Variants in FLRT1 observed in about 807,000 individuals in gnomAD.
The protein encoded by FLRT1 is leucine-rich repeat transmembrane protein FLRT1.
Under a neutral mutation model 30.9 loss-of-function variants are expected in FLRT1, and 14 were observed. The ratio of observed to expected loss-of-function variants is 0.45; its 90% confidence interval spans 0.30 to 0.71. The LOEUF is 0.71. Ranked by LOEUF, FLRT1 falls within the 30% of genes least tolerant of loss-of-function variation. The probability of loss-of-function intolerance (pLI) is 0.08; values close to 1 mark genes in which losing one functional copy is unlikely to be tolerated. For missense variants in FLRT1, 737 were observed against 949.2 expected (o/e 0.78, Z 2.94); for synonymous variants, 368 against 430.4 (o/e 0.85, Z 1.80).
intron 1 of FLRT1, among the ~76,000 whole-genome samples, chr11:64,093,691 T>C (rs1309742404): frequency 6.6e-6 from 1 of 152,158 alleles, no homozygotes; most frequent in Non-Finnish European, 1.5e-5. Context: ...CACCCCCTCT[T>C]GGTCATGGCC....
intron 1 of FLRT1, among the ~76,000 whole-genome samples, chr11:64,068,454 GGGCA>G (rs1353407852): frequency 1.3e-5 from 2 of 152,234 alleles, no homozygotes; most frequent in Non-Finnish European, 2.9e-5. Flanking sequence ...AAAAGAGTCT[GGGCA>G]CGGTAAGGGC....
At chr11:64,099,908 G>C (rs1347403909) in intron 1 of FLRT1, among the ~76,000 whole-genome samples, 1 of 152,084 alleles carries the variant, frequency 6.6e-6, no homozygotes, top group Non-Finnish European at 1.5e-5. Context: ...TGGAAGGATG[G>C]AGGGATGGAT....
chr11:64,074,294 CT>C (rs577463541), intron 1 of FLRT1, among the ~76,000 whole-genome samples: 44 of 152,310 alleles, frequency 2.9e-4, no homozygotes, highest in Admixed American at 1.9e-3. Context: ...GTTTCCCCAC[CT>C]TTCCTAGCTG....
At chr11:64,056,381 C>G (rs1249355601) in intron 1 of FLRT1, among the ~76,000 whole-genome samples, 1 of 152,170 alleles carries the variant, frequency 6.6e-6, no homozygotes, top group Admixed American at 6.5e-5. Context: ...AATGAACAGG[C>G]CCCCTCTCCT....
chr11:64,109,319 G>A (rs771891529), intron 2 of FLRT1, among the ~76,000 whole-genome samples: 1 of 152,168 alleles, frequency 6.6e-6, no homozygotes, highest in Non-Finnish European at 1.5e-5. Context: ...AAGAAGCTTG[G>A]TGTCACTGAC....
In FLRT1 at chr11:64,082,540, G is replaced by A. The variant is rs1944322874; in HGVS notation, c.-1037-20654G>A. 6.6e-6 allele frequency among the ~76,000 whole-genome samples: 1 copy of A among 152,008 alleles called. No individual in the cohort carries two copies. The highest frequency in any genetic ancestry group is 2.4e-5 in the African/African-American group (1 of 41,376). On this transcript the variant is annotated intron_variant, in intron 1 of 2. Coordinates refer to ENST00000682287, the MANE Select transcript of FLRT1 (RefSeq NM_013280.5). This position sits in a 1 kb window ranked among gnomAD's most constrained non-coding sequence, Gnocchi z 4.5. ...TCGGTGCCTAACGGTGGTGGCCGTGGGAGTCAGAGCTCCAGGCGGAAGTAG... is the reference window on the plus strand; with the variant it reads ...TCGGTGCCTAACGGTGGTGGCCGTGAGAGTCAGAGCTCCAGGCGGAAGTAG...
chr11:64,045,865 T>C (rs1193730096), intron 1 of FLRT1, among the ~76,000 whole-genome samples: 11 of 152,310 alleles, frequency 7.2e-5, no homozygotes, highest in African/African-American at 2.6e-4. Flanking sequence ...GGCAGGAGGA[T>C]GGCTTGAGGC....
rs1399250963 is a variant in FLRT1, at chr11:64,075,192, G to A, written c.-1037-28002G>A. ...GCAGCGCATGAGGGTCTGAGGCCAT[G>A]AGCCTGGACCATTCTGATCCACATG... On this transcript the variant is annotated intron_variant, in intron 1 of 2. Transcript: ENST00000682287. Among the ~76,000 whole-genome samples, 8 of 152,236 alleles carry A rather than the reference G, an allele frequency of 5.3e-5. 1 individual carries two copies. Among genetic ancestry groups the A allele is most frequent in the Non-Finnish European group, 1.2e-4 (8 of 68,042 alleles).
At chr11:64,062,262 G>A (rs1943919103) in intron 1 of FLRT1, among the ~76,000 whole-genome samples, 1 of 152,040 alleles carries the variant, frequency 6.6e-6, no homozygotes, top group Non-Finnish European at 1.5e-5. Flanking sequence ...CATAGTACTT[G>A]GCACACAGTA....
rs543259360 is a variant in FLRT1, at chr11:64,116,180, C to T, written c.-49-39C>T. On this transcript the variant is annotated intron_variant, in intron 2 of 2. Transcript: ENST00000682287. ...GATTCACTCCTGGGGTCGCTGTCGC[C>T]GCCTCCCTCTCACTGCCCCTGTCCT... 7.3e-6 allele frequency: 11 copies of T among 1,508,362 alleles called. No individual in the cohort carries two copies. The South Asian group carries it at 9.1e-5, about 12-fold the overall frequency. The allele number at this position is 1,508,362 out of a possible 1,614,324, so 93.4% of individuals were successfully genotyped here.
intron 1 of FLRT1, among the ~76,000 whole-genome samples, chr11:64,043,145 C>T (rs1336887331): frequency 1.3e-5 from 2 of 152,166 alleles, no homozygotes; most frequent in Non-Finnish European, 2.9e-5. Context: ...TGATGGCATA[C>T]GTGCTGACAT....
Position 64,067,501 on chromosome 11 carries a change from G to A in FLRT1, c.-1038+31342G>A, listed in dbSNP as rs1319054086. On this transcript the variant is annotated intron_variant, in intron 1 of 2. Coordinates refer to ENST00000682287, the MANE Select transcript of FLRT1 (RefSeq NM_013280.5). The surrounding 1 kb of genome is among the most constrained non-coding windows in gnomAD (Gnocchi z 4.6). ...AAGGGAGGAGATAGGTCGGGGACGG[G>A]GACAGACGGCACCTCCCCAACTCCC... 2.0e-5 allele frequency among the ~76,000 whole-genome samples: 3 copies of A among 152,044 alleles called. No individual in the cohort carries two copies. Among genetic ancestry groups the A allele is most frequent in the Non-Finnish European group, 2.9e-5 (2 of 67,992 alleles).
rs12223886 is a variant in FLRT1, at chr11:64,088,892, C to G, written c.-1037-14302C>G. Among the ~76,000 whole-genome samples, 78 of 152,116 alleles carry G rather than the reference C, an allele frequency of 5.1e-4. No individual in the cohort carries two copies. The East Asian group carries it at 0.014, about 27-fold the overall frequency. ...GGCGGAATCGGGTGTATTGAAGGTG[C>G]GGTTCACAAAGTCATGGGCGGGGTT... is the stretch of plus-strand genomic sequence containing the variant. On this transcript the variant is annotated intron_variant, in intron 1 of 2. Transcript: ENST00000682287.
At chr11:64,113,658 G>A (rs181304363) in intron 2 of FLRT1, among the ~76,000 whole-genome samples, 2 of 149,682 alleles carry the variant, frequency 1.3e-5, no homozygotes, top group East Asian at 4.0e-4. Context: ...TGGGCAGACA[G>A]GTGGATGCAT....
Position 64,075,100 on chromosome 11 carries a change from C to T in FLRT1, c.-1037-28094C>T, listed in dbSNP as rs572764187. On this transcript the variant is annotated intron_variant, in intron 1 of 2. Coordinates refer to ENST00000682287, the MANE Select transcript of FLRT1 (RefSeq NM_013280.5). ...TGGGCTCCACTGTGGCTTCAGGAAG[C>T]ACCTTGGTCTCTCTGGGCCTCTTTC... Among the ~76,000 whole-genome samples the T allele has an allele frequency of 1.6e-3, 238 of 152,356 alleles. 1 individual carries two copies. Among genetic ancestry groups the T allele is most frequent in the African/African-American group, 5.4e-3 (224 of 41,576 alleles).
chr11:64,076,005 A>T (rs1944194000), intron 1 of FLRT1, among the ~76,000 whole-genome samples: 1 of 152,160 alleles, frequency 6.6e-6, no homozygotes, highest in African/African-American at 2.4e-5. Context: ...CTGCTACCTC[A>T]GGCTGGGGTG....
At position 64,045,605 on chromosome 11, in the gene FLRT1, G is replaced by A. The variant is rs540767303; in HGVS notation, c.-1038+9446G>A. ...GCCGAGGGAGCAGCGGCGTTCAGCTGGGGTAGCCACCTTGCTGCGTCCTGA... is the reference window on the plus strand; with the variant it reads ...GCCGAGGGAGCAGCGGCGTTCAGCTAGGGTAGCCACCTTGCTGCGTCCTGA... On this transcript the variant is annotated intron_variant, in intron 1 of 2. Transcript: ENST00000682287. 4.6e-5 allele frequency among the ~76,000 whole-genome samples: 7 copies of A among 152,288 alleles called. No homozygotes were observed. In the South Asian group the frequency reaches 1.4e-3, roughly 32 times the overall value.
chr11:64,101,466 G>A (rs1944669271), intron 1 of FLRT1, among the ~76,000 whole-genome samples: 1 of 152,034 alleles, frequency 6.6e-6, no homozygotes, highest in African/African-American at 2.4e-5. Flanking sequence ...ACAGCTGACT[G>A]GAGCCTCTGG....
chr11:64,038,542 G>A (rs935618367), intron 1 of FLRT1, among the ~76,000 whole-genome samples: 1 of 152,202 alleles, frequency 6.6e-6, no homozygotes, highest in Non-Finnish European at 1.5e-5. Flanking sequence ...CTGTCAAGTG[G>A]CTGCTCTGGT....
Sources: allele counts gnomAD v4.1 joint callset (sites outside exome capture counted in the v4.1 genomes callset), GRCh38; gene constraint gnomAD v4.1.1; non-coding constraint Gnocchi (gnomAD v3.1); transcripts MANE v1.5; gene names NCBI Gene and HGNC (gene_info 2026-07-23, HGNC 2026-07-21).